Variants in TUSC3 observed in about 807,000 individuals in gnomAD.
TUSC3 encodes the protein dolichyl-diphosphooligosaccharide--protein glycosyltransferase subunit TUSC3.
In TUSC3, 45 loss-of-function variants were observed where a neutral mutation model predicts 44.8. The ratio of observed to expected loss-of-function variants is 1.00; its 90% CI spans 0.79 to 1.29. TUSC3 has a LOEUF of 1.29. Ranked by LOEUF, TUSC3 falls within the 50% of genes most tolerant of loss-of-function variation. The pLI is 0.00. For missense variants in TUSC3, 519 were observed against 437.9 expected (o/e 1.19, Z -1.65); for synonymous variants, 212 against 152.9 (o/e 1.39, Z -2.85).
chr8:15,790,125 G>A, the TUSC3 span, among the ~76,000 whole-genome samples: 7 of 150,006 alleles, frequency 4.7e-5, no homozygotes, highest in African/African-American at 7.4e-5. Context: ...GGGTAGTAAC[G>A]TCCTGGTTGT....
chr8:15,782,545 G>A, the TUSC3 span, among the ~76,000 whole-genome samples: 1 of 152,124 alleles, frequency 6.6e-6, no homozygotes, highest in East Asian at 1.9e-4. Flanking sequence ...CCATCAAGTG[G>A]GATTTACTTC....
chr8:15,615,390 A>G (rs1179720324), intron 1 of TUSC3, among the ~76,000 whole-genome samples: 1 of 152,214 alleles, frequency 6.6e-6, no homozygotes. Context: ...TCTCACTCAT[A>G]TGGGAGTTAA....
At chr8:15,713,805 G>C (rs1809955254) in intron 6 of TUSC3, among the ~76,000 whole-genome samples, 1 of 152,056 alleles carries the variant, frequency 6.6e-6, no homozygotes, top group African/African-American at 2.4e-5. Flanking sequence ...GTCATATTCT[G>C]AGGTACTGGG....
chr8:15,480,185 C>G (rs1800639201), intron 1 of TUSC3, among the ~76,000 whole-genome samples: 1 of 152,094 alleles, frequency 6.6e-6, no homozygotes, highest in Non-Finnish European at 1.5e-5. Context: ...TAGAAGAGGA[C>G]ACAAAGAAAT....
intron 6 of TUSC3, among the ~76,000 whole-genome samples, chr8:15,678,691 T>C (rs1808291587): frequency 6.6e-6 from 1 of 152,202 alleles, no homozygotes; most frequent in South Asian, 2.1e-4. Flanking sequence ...TGCAGGTTGT[T>C]ACAAGAGTAT....
chr8:15,470,360 T>C (rs1426108709), intron 1 of TUSC3, among the ~76,000 whole-genome samples: 2 of 152,032 alleles, frequency 1.3e-5, no homozygotes, highest in African/African-American at 2.4e-5. Context: ...ACGTTCATGA[T>C]ATAATAGTGG....
intron 8 of TUSC3, among the ~76,000 whole-genome samples, chr8:15,745,661 G>A (rs927869257): frequency 6.6e-6 from 1 of 151,100 alleles, no homozygotes; most frequent in African/African-American, 2.4e-5. Context: ...TTTTGCTTGT[G>A]GATTTAAGTT....
At chr8:15,635,694 C>G (rs963828841) in intron 2 of TUSC3, among the ~76,000 whole-genome samples, 1 of 152,232 alleles carries the variant, frequency 6.6e-6, no homozygotes, top group Middle Eastern at 3.4e-3. Flanking sequence ...AGAACAGATG[C>G]GTATGATGCC....
At chr8:15,572,589 C>T (rs1190824286) in intron 1 of TUSC3, among the ~76,000 whole-genome samples, 1 of 152,164 alleles carries the variant, frequency 6.6e-6, no homozygotes, top group Non-Finnish European at 1.5e-5. Context: ...CTGTTCGGTG[C>T]AAGAGGTGTA....
intron 1 of TUSC3, among the ~76,000 whole-genome samples, chr8:15,590,321 G>C (rs1422604055): frequency 2.0e-5 from 3 of 152,098 alleles, no homozygotes; most frequent in Non-Finnish European, 4.4e-5. Context: ...TAATGGCAAA[G>C]ACAGTTTATG....
rs151223991 is a variant in TUSC3 at position 15,523,639 on chromosome 8, CATATAT to C, written n.189+40177_189+40182del. ...AATTGGCTTAAAAATCCTTTAAAAA[CATATAT>C]ATATATATATATATATATATGTGTG... On this transcript the variant is annotated intron_variant and non_coding_transcript_variant, in intron 2 of 5. Coordinates refer to the TUSC3 transcript ENST00000503191. 4.2e-3 allele frequency among the ~76,000 whole-genome samples: 267 copies of C among 63,652 alleles called. 3 individuals are homozygous for C. The highest frequency in any genetic ancestry group is 0.014 in the African/African-American group (194 of 14,316). The allele number at this position is 63,652 out of a possible 152,430, so 41.8% of individuals were successfully genotyped here.
Position 15,482,610 on chromosome 8 carries a change from G to A in TUSC3, n.92-776G>A, listed in dbSNP as rs538238193. On this transcript the variant is annotated intron_variant and non_coding_transcript_variant, in intron 1 of 5. Coordinates refer to the TUSC3 transcript ENST00000503191. ...ATAAGAAGATTAATGTTGTTTTCAT[G>A]CCTGCAAACACAACATCCATTCTGC... Among the ~76,000 whole-genome samples the A allele has an allele frequency of 2.0e-5, 3 of 152,278 alleles. No individual in the cohort carries two copies. The South Asian group carries it at 6.2e-4, about 32-fold the overall frequency.
intron 6 of TUSC3, among the ~76,000 whole-genome samples, chr8:15,706,662 T>G (rs1001956249): frequency 6.6e-6 from 1 of 152,064 alleles, no homozygotes; most frequent in African/African-American, 2.4e-5. Flanking sequence ...TACAAGATGT[T>G]AATATACGAA....
At chr8:15,460,567 A>C (rs1200289996) in intron 1 of TUSC3, among the ~76,000 whole-genome samples, 1 of 151,918 alleles carries the variant, frequency 6.6e-6, no homozygotes, top group Non-Finnish European at 1.5e-5. Context: ...GTTTTATTCC[A>C]TTTGCTTTTG....
chr8:15,527,362 G>C (rs1390078213), intron 2 of TUSC3, among the ~76,000 whole-genome samples: 1 of 151,950 alleles, frequency 6.6e-6, no homozygotes. Flanking sequence ...GATTACAGGT[G>C]CCCGGCACCA....
At chr8:15,522,680 T>C (rs1801314287) in intron 2 of TUSC3, among the ~76,000 whole-genome samples, 1 of 151,886 alleles carries the variant, frequency 6.6e-6, no homozygotes, top group Admixed American at 6.6e-5. Context: ...TCTACAGAAA[T>C]CCAATCCAGG....
chr8:15,723,170 T>A (rs1209054719), intron 6 of TUSC3, among the ~76,000 whole-genome samples: 3 of 152,126 alleles, frequency 2.0e-5, no homozygotes, highest in East Asian at 1.9e-4. Context: ...AAAATAAAAT[T>A]CTAAGATGAC....
At chr8:15,594,231 A>G (rs553682506) in intron 1 of TUSC3, among the ~76,000 whole-genome samples, 2 of 151,826 alleles carry the variant, frequency 1.3e-5, no homozygotes, top group African/African-American at 4.8e-5. Context: ...CTTCTGCTGT[A>G]TTTTTTATTT....
the TUSC3 span, among the ~76,000 whole-genome samples, chr8:15,839,810 A>T: frequency 2.6e-5 from 4 of 152,142 alleles, no homozygotes; most frequent in Admixed American, 1.3e-4. Context: ...ATTGTGGAAG[A>T]CAGTGTGGCG....
Sources: gnomAD v4.1 joint callset for allele counts (sites outside exome capture counted in the v4.1 genomes callset) on GRCh38, gnomAD v4.1.1 for gene constraint, MANE v1.5 for transcripts, NCBI Gene and HGNC (gene_info 2026-07-23, HGNC 2026-07-21) for gene names.